The following ELAPOR2 variants were observed in gnomAD, a reference collection of about 807,000 sequenced individuals.
ELAPOR2 encodes the protein endosome-lysosome associated apoptosis and autophagy regulator family member 2, also known as endosome/lysosome-associated apoptosis and autophagy regulator family member 2.
In ELAPOR2, 89 loss-of-function variants were observed where a neutral mutation model predicts 120.7. The observed-to-expected ratio is 0.74, with a 90% CI of 0.62 to 0.88. The LOEUF (loss-of-function observed/expected upper bound fraction) is 0.88. Among genes scored for constraint, ELAPOR2 ranks in the 40% least tolerant of loss-of-function variants. The pLI is 0.00. For synonymous variants in ELAPOR2, 444 were observed against 444.9 expected, an observed-to-expected ratio of 1.00 and a Z score of 0.03; for missense variants, 1,134 against 1,251.6, an observed-to-expected ratio of 0.91 and a Z score of 1.42.
intron 1 of ELAPOR2, among the ~76,000 whole-genome samples, chr7:87,013,657 T>C (rs1268879652): frequency 1.3e-5 from 2 of 152,214 alleles, no homozygotes; most frequent in African/African-American, 4.8e-5. Context: ...TGACAGACTC[T>C]CAGTAAATGT....
Position 87,050,071 on chromosome 7 carries a change from C to T in ELAPOR2, c.189+9254G>A, listed in dbSNP as rs535754168. The stretch of plus-strand genomic sequence containing the variant: ...GCCCTCACCTGGATCTTGGACTTTC[C>T]TACCTCCTAAACCTGGAGGCAAATA... On this transcript the variant is annotated intron_variant, in intron 1 of 21. Coordinates refer to ENST00000450689, the MANE Select transcript of ELAPOR2 (RefSeq NM_001142749.3). 7.2e-4 allele frequency among the ~76,000 whole-genome samples: 109 copies of T among 152,316 alleles called. No individual in the cohort carries two copies. In the South Asian group the frequency reaches 8.1e-3, roughly 11 times the overall value.
At chr7:86,967,320 C>T (rs112749777) in intron 1 of ELAPOR2, among the ~76,000 whole-genome samples, 4 of 151,956 alleles carry the variant, frequency 2.6e-5, no homozygotes, top group Admixed American at 6.6e-5. Flanking sequence ...ATTAGCCGGG[C>T]GTGGTGGTGT....
intron 1 of ELAPOR2, among the ~76,000 whole-genome samples, chr7:86,982,389 C>T (rs1792534062): frequency 6.6e-6 from 1 of 152,218 alleles, no homozygotes; most frequent in Non-Finnish European, 1.5e-5. Flanking sequence ...TGTAGCCTTA[C>T]TGGGAGATAC....
intron 1 of ELAPOR2, among the ~76,000 whole-genome samples, chr7:87,053,089 C>A (rs1038410792): frequency 9.2e-5 from 14 of 152,130 alleles, no homozygotes; most frequent in Admixed American, 2.6e-4. Context: ...TGGGCCACCT[C>A]GCCCAAACTG....
At chr7:86,980,232 T>C (rs1362176753) in intron 1 of ELAPOR2, among the ~76,000 whole-genome samples, 1 of 152,212 alleles carries the variant, frequency 6.6e-6, no homozygotes, top group Non-Finnish European at 1.5e-5. Context: ...TAAGGAAATA[T>C]GGTATTGAGA....
At chr7:87,023,012 C>T (rs2116705286) in intron 1 of ELAPOR2, among the ~76,000 whole-genome samples, 1 of 152,126 alleles carries the variant, frequency 6.6e-6, no homozygotes, top group South Asian at 2.1e-4. Context: ...AAATTTTCTC[C>T]CATTCTGTAA....
chr7:86,972,659 C>T (rs968026892), intron 1 of ELAPOR2, among the ~76,000 whole-genome samples: 1 of 150,656 alleles, frequency 6.6e-6, no homozygotes, highest in African/African-American at 2.4e-5. Context: ...AGATGAGATC[C>T]ACCTCGGGCA....
chr7:86,922,998 C>G (rs1011420137), intron 10 of ELAPOR2, among the ~76,000 whole-genome samples: 1 of 151,860 alleles, frequency 6.6e-6, no homozygotes, highest in African/African-American at 2.4e-5. Flanking sequence ...CCTCCCATCT[C>G]CAAGGAATAG....
chr7:86,929,603 G>A (rs760702468), intron 8 of ELAPOR2, among the ~76,000 whole-genome samples: 33 of 151,914 alleles, frequency 2.2e-4, no homozygotes, highest in Non-Finnish European at 4.1e-4. Flanking sequence ...TCGTCAGCCT[G>A]CCCAAATACA....
chr7:87,042,563 G>C (rs1349572108), intron 1 of ELAPOR2, among the ~76,000 whole-genome samples: 1 of 151,834 alleles, frequency 6.6e-6, no homozygotes, highest in Non-Finnish European at 1.5e-5. Context: ...TGAAACCAAC[G>C]AGAACAAAGA....
intron 1 of ELAPOR2, among the ~76,000 whole-genome samples, chr7:87,042,320 A>G (rs1007309569): frequency 6.7e-6 from 1 of 149,514 alleles, no homozygotes; most frequent in Admixed American, 6.6e-5. Flanking sequence ...TTTTTTCAGC[A>G]CCACACCACA....
At chr7:87,040,659 G>C (rs939806207) in intron 1 of ELAPOR2, among the ~76,000 whole-genome samples, 1 of 152,172 alleles carries the variant, frequency 6.6e-6, no homozygotes, top group Non-Finnish European at 1.5e-5. Context: ...CCACAAAGAG[G>C]GGAAAAAACA....
At chr7:86,913,613 C>A (rs1789425363) in intron 13 of ELAPOR2, among the ~76,000 whole-genome samples, 2 of 152,108 alleles carry the variant, frequency 1.3e-5, no homozygotes, top group Non-Finnish European at 2.9e-5. Flanking sequence ...GGTAGAAATG[C>A]CTTGGAATGG....
At chr7:86,949,420 C>T (rs771579085) in intron 2 of ELAPOR2, among the ~76,000 whole-genome samples, 33 of 152,180 alleles carry the variant, frequency 2.2e-4, no homozygotes, top group Admixed American at 1.2e-3. Flanking sequence ...GGGGGAAGTG[C>T]GGACCAGGCA....
At chr7:87,038,658 T>G (rs1037463872) in intron 1 of ELAPOR2, among the ~76,000 whole-genome samples, 1 of 151,950 alleles carries the variant, frequency 6.6e-6, no homozygotes, top group Non-Finnish European at 1.5e-5. Flanking sequence ...TACAAATACA[T>G]GAAAATTAAA....
chr7:87,005,465 C>T (rs528928117), intron 1 of ELAPOR2, among the ~76,000 whole-genome samples: 5 of 152,238 alleles, frequency 3.3e-5, no homozygotes, highest in Admixed American at 3.3e-4. Context: ...ATGATTTGTC[C>T]TGGCATTTGA....
chr7:87,008,254 ACAGACAT>A (rs1034115832), intron 1 of ELAPOR2, among the ~76,000 whole-genome samples: 1 of 152,212 alleles, frequency 6.6e-6, no homozygotes, highest in African/African-American at 2.4e-5. Context: ...ACCCAACTGG[ACAGACAT>A]TCTACAAAAT....
At chr7:86,988,210 G>T (rs1767703) in intron 1 of ELAPOR2, among the ~76,000 whole-genome samples, 57,457 of 151,884 alleles carry the variant, frequency 0.38, 11,711 homozygotes, top group African/African-American at 0.53. Flanking sequence ...GGTCAGGTGT[G>T]GGGGGAGGGA....
At chr7:86,918,594 T>C in intron 11 of ELAPOR2, 50 bp from the exon 12 acceptor site, 2 of 1,156,830 alleles carry the variant, frequency 1.7e-6, no homozygotes, top group Non-Finnish European at 2.6e-6. Context: ...CTAAATACAA[T>C]TTAGAATAAA....
Sources: allele counts gnomAD v4.1 joint callset (sites outside exome capture counted in the v4.1 genomes callset), GRCh38; gene constraint gnomAD v4.1.1; transcripts MANE v1.5; gene names NCBI Gene and HGNC (gene_info 2026-07-23, HGNC 2026-07-21).